Variants in FBXL2 observed in about 807,000 individuals in gnomAD.
FBXL2 encodes the protein F-box/LRR-repeat protein 2.
Under a neutral mutation model 69.2 loss-of-function variants are expected in FBXL2, and 38 were observed. The ratio of observed to expected loss-of-function variants is 0.55; its 90% CI spans 0.42 to 0.72. FBXL2 has a LOEUF of 0.72. FBXL2 is among the 30% of genes least tolerant of loss of function. The probability of loss-of-function intolerance (pLI) is 0.00; values close to 1 mark genes in which losing one functional copy is unlikely to be tolerated. For missense variants in FBXL2, 354 were observed against 520.3 expected, an observed-to-expected ratio of 0.68 and a Z score of 3.11; for synonymous variants, 192 against 201.3, an observed-to-expected ratio of 0.95 and a Z score of 0.39.
rs187859577 is a variant in FBXL2, at chr3:33,290,041, A to G, written c.4-7623A>G. ...CAAGGCACAGAAAGCAGAAGGTGCTACTGGAGACCAAGGACAACACCCTAG... is the reference window on the plus strand; with the variant it reads ...CAAGGCACAGAAAGCAGAAGGTGCTGCTGGAGACCAAGGACAACACCCTAG... On this transcript the variant is annotated intron_variant, in intron 1 of 14. Transcript: ENST00000484457. Among the ~76,000 whole-genome samples, 330 of 152,328 alleles carry G rather than the reference A, an allele frequency of 2.2e-3. 2 individuals carry two copies. The highest frequency in any genetic ancestry group is 7.7e-3 in the African/African-American group (322 of 41,566).
chr3:33,353,683 G>A (rs1422636662), intron 2 of FBXL2, among the ~76,000 whole-genome samples: 1 of 152,238 alleles, frequency 6.6e-6, no homozygotes, highest in Non-Finnish European at 1.5e-5. Flanking sequence ...AAGGCCAGGA[G>A]TTCAAGACCA....
chr3:33,373,391 C>T (rs764918259), intron 7 of FBXL2, 36 bp downstream of exon 7: 21 of 1,557,218 alleles, frequency 1.3e-5, no homozygotes, highest in Admixed American at 1.0e-4. Flanking sequence ...AGAGAAATAC[C>T]CAAAGCTATG....
At chr3:33,318,305 A>AT (rs775987359) in intron 2 of FBXL2, among the ~76,000 whole-genome samples, 1 of 152,152 alleles carries the variant, frequency 6.6e-6, no homozygotes, top group Non-Finnish European at 1.5e-5. Context: ...ACTATGTGGC[A>AT]TTTAGAAATA....
the FBXL2 span, among the ~76,000 whole-genome samples, chr3:33,414,584 C>A: frequency 1.3e-5 from 2 of 152,118 alleles, no homozygotes; most frequent in Admixed American, 1.3e-4. Flanking sequence ...GTCAAAGATC[C>A]TAGGGCCAGG....
intron 13 of FBXL2, among the ~76,000 whole-genome samples, chr3:33,381,969 C>T (rs974803990): frequency 3.9e-5 from 6 of 152,346 alleles, no homozygotes; most frequent in Admixed American, 3.9e-4. Context: ...TCTAGCTTCC[C>T]TTCCCTCGAG....
intron 2 of FBXL2, among the ~76,000 whole-genome samples, chr3:33,343,010 G>C (rs529026485): frequency 1.3e-5 from 2 of 150,744 alleles, no homozygotes; most frequent in South Asian, 4.2e-4. Context: ...AAAGTGCTAG[G>C]ATTACAGGCG....
chr3:33,318,744 AAAC>A (rs1259208458), intron 2 of FBXL2, among the ~76,000 whole-genome samples: 1,564 of 60,352 alleles, frequency 0.026, 21 homozygotes, highest in African/African-American at 0.13. Context: ...GATGTTTTTT[AAAC>A]ATCTATTATT....
chr3:33,382,222 A>G (rs1559644235), intron 13 of FBXL2, among the ~76,000 whole-genome samples: 1 of 152,220 alleles, frequency 6.6e-6, no homozygotes, highest in Non-Finnish European at 1.5e-5. Context: ...CTTTCGCACT[A>G]AAAAATTTGG....
intron 2 of FBXL2, among the ~76,000 whole-genome samples, chr3:33,335,168 T>C (rs926895114): frequency 1.1e-4 from 16 of 151,374 alleles, no homozygotes; most frequent in Admixed American, 9.9e-4. Flanking sequence ...AAAGCCAAAT[T>C]ATATATATAT....
chr3:33,365,260 T>G (rs1289314311), intron 5 of FBXL2, among the ~76,000 whole-genome samples: 3 of 150,106 alleles, frequency 2.0e-5, no homozygotes, highest in African/African-American at 7.4e-5. Flanking sequence ...CATCTCTTAC[T>G]GGATAGCCAT....
chr3:33,326,601 C>G (rs2038716482), intron 2 of FBXL2, among the ~76,000 whole-genome samples: 1 of 152,014 alleles, frequency 6.6e-6, no homozygotes, highest in South Asian at 2.1e-4. Flanking sequence ...GTGAAACCTC[C>G]AATTTAACTT....
intron 2 of FBXL2, among the ~76,000 whole-genome samples, chr3:33,354,166 T>C (rs2041026603): frequency 6.6e-6 from 1 of 152,070 alleles, no homozygotes; most frequent in East Asian, 1.9e-4. Flanking sequence ...ACTATGTGTG[T>C]CTGTTGGTGG....
intron 11 of FBXL2, 39 bp from the exon 12 acceptor site, chr3:33,378,064 C>T (rs772354113): frequency 1.2e-6 from 2 of 1,608,794 alleles, no homozygotes; most frequent in Non-Finnish European, 1.7e-6. Flanking sequence ...GCTGTCACCA[C>T]TGACTCACAT....
chr3:33,291,065 A>G (rs1490795834), intron 1 of FBXL2, among the ~76,000 whole-genome samples: 1 of 151,972 alleles, frequency 6.6e-6, no homozygotes, highest in Non-Finnish European at 1.5e-5. Flanking sequence ...GAATAGCTGG[A>G]ACTACAGGTG....
At chr3:33,312,196 A>T (rs2037271179) in intron 2 of FBXL2, among the ~76,000 whole-genome samples, 1 of 152,078 alleles carries the variant, frequency 6.6e-6, no homozygotes, top group Admixed American at 6.6e-5. Context: ...AGATGGGACC[A>T]CAGGAGCGTG....
At chr3:33,312,705 ATTTT>A (rs2037320416) in intron 2 of FBXL2, among the ~76,000 whole-genome samples, 1 of 152,032 alleles carries the variant, frequency 6.6e-6, no homozygotes, top group African/African-American at 2.4e-5. Context: ...TTATTTATTT[ATTTT>A]ATTTATTTAA....
At chr3:33,324,411 T>A (rs1402823254) in intron 2 of FBXL2, among the ~76,000 whole-genome samples, 1 of 152,228 alleles carries the variant, frequency 6.6e-6, no homozygotes, top group East Asian at 1.9e-4. Flanking sequence ...GCCTAGGTCT[T>A]CTTCTAGGGT....
chr3:33,408,805 A>G, the FBXL2 span: 1 of 1,609,502 alleles, frequency 6.2e-7, no homozygotes, highest in Non-Finnish European at 8.5e-7. Flanking sequence ...CATCTGGACA[A>G]ACACCAAAGA....
At chr3:33,342,086 G>A (rs566254625) in intron 2 of FBXL2, among the ~76,000 whole-genome samples, 5 of 142,514 alleles carry the variant, frequency 3.5e-5, no homozygotes, top group African/African-American at 5.3e-5. Context: ...CTCACTGCAA[G>A]CTCCGCCTTC....
Sources: gnomAD v4.1 joint callset for allele counts (sites outside exome capture counted in the v4.1 genomes callset) on GRCh38, gnomAD v4.1.1 for gene constraint, MANE v1.5 for transcripts, NCBI Gene and HGNC (gene_info 2026-07-23, HGNC 2026-07-21) for gene names.